ATF1: variants seen among roughly 807,000 people sequenced by gnomAD.
The protein encoded by ATF1 is cyclic AMP-dependent transcription factor ATF-1.
Under a neutral mutation model 34.7 loss-of-function variants are expected in ATF1, and 16 were observed. That is an observed-to-expected ratio of 0.46 (90% CI 0.31 to 0.70). The LOEUF (loss-of-function observed/expected upper bound fraction) is 0.70. Among genes scored for constraint, ATF1 ranks in the 30% least tolerant of loss-of-function variants. The probability of loss-of-function intolerance (pLI) is 0.05; values close to 1 mark genes in which losing one functional copy is unlikely to be tolerated. For missense variants in ATF1, 255 were observed against 321.6 expected (o/e 0.79, Z 1.58); for synonymous variants, 105 against 113.1 (o/e 0.93, Z 0.46).
chr12:50,795,783 C>T (rs1454305622), intron 2 of ATF1, 126 bp from the exon 3 acceptor site: 1 of 740,732 alleles, frequency 1.4e-6, no homozygotes, highest in Non-Finnish European at 2.2e-6. Context: ...TTCTTTTAGA[C>T]TTTAGATTTA....
At position 50,819,686 on chromosome 12, in the gene ATF1, G is replaced by A. The variant is rs1390861730; in HGVS notation, c.723G>A (p.Leu241=). ...AGAAGAAAGAATATGTGAAATGCCT[G>A]GAAAACCGAGTTGCAGTCCTGGAAA... ...RRKKKEYVKC[L]ENRVAVLENQ... is the part of the protein sequence containing the mutation. The change falls in exon 7 of 7, where the codon CTG becomes CTA. Residue 241 remains leucine, a synonymous_variant. Coordinates refer to ENST00000262053, the MANE Select transcript of ATF1 (RefSeq NM_005171.5). The A allele has an allele frequency of 6.2e-7, 1 of 1,611,892 alleles. No individual in the cohort carries two copies. Among genetic ancestry groups the A allele is most frequent in the Non-Finnish European group, 8.5e-7 (1 of 1,179,070 alleles).
chr12:50,820,059 C>A lies in ATF1; in HGVS notation c.*280C>A. ...AAATTTTCTAAATAACCAATAGTTG[C>A]CAATCTAAAATGGCAGAGAAGATGA... On this transcript the variant is annotated 3_prime_UTR_variant, in exon 7 of 7. Transcript: ENST00000262053. 4 of 273,284 alleles carry A rather than the reference C, an allele frequency of 1.5e-5. No individual in the cohort carries two copies. Among genetic ancestry groups the A allele is most frequent in the Admixed American group, 5.0e-5 (1 of 20,004 alleles). The allele number at this position is 273,284 out of a possible 1,614,324, so 16.9% of individuals were successfully genotyped here. A position where few individuals can be genotyped will look rare whatever the true frequency, so the allele number is the denominator to read the frequency against.
intron 2 of ATF1, among the ~76,000 whole-genome samples, chr12:50,786,587 G>GA (rs928287460): frequency 3.3e-5 from 5 of 151,646 alleles, no homozygotes; most frequent in African/African-American, 1.2e-4. Context: ...TTTTCCTTTG[G>GA]AAAAAAAGGC....
At chr12:50,790,196 T>A (rs959129242) in intron 2 of ATF1, among the ~76,000 whole-genome samples, 2 of 108,596 alleles carry the variant, frequency 1.8e-5, no homozygotes, top group African/African-American at 6.8e-5. Flanking sequence ...TTGTGGGTTC[T>A]ATTTTTTTTT....
Position 50,809,544 on chromosome 12 carries a change from A to G in ATF1, c.283A>G (p.Met95Val), listed in dbSNP as rs762001134. ...TGGAGTTTCTGCTGCTGTCACTTCT[A>G]TGTCTGTTCCAACTCCCATCTATCA... is the stretch of plus-strand genomic sequence containing the variant. ...NSGVSAAVTS[M>V]SVPTPIYQTS... The change falls in exon 4 of 7, where the codon ATG becomes GTG. Residue 95 changes from methionine (M) to valine (V), a missense_variant. Physicochemically the swap from Met to Val is conservative, Grantham distance 21. Around this residue, in one of 2 missense-constraint regions of ATF1, gnomAD observed 221 missense variants for 250.7 expected, o/e 0.88. Transcript: ENST00000262053. 4 of 1,613,766 alleles carry G rather than the reference A, an allele frequency of 2.5e-6. No homozygotes were observed. The African/African-American group carries it at 4.0e-5, about 16-fold the overall frequency.
Position 50,809,595 on chromosome 12 carries a change from T to C in ATF1, c.328+6T>C, listed in dbSNP as rs368257097. The C allele has an allele frequency of 6.6e-4, 1,056 of 1,600,760 alleles. 20 individuals carry two copies. The South Asian group carries it at 0.011, about 17-fold the overall frequency. ...GACTAGCAGCGGACAGTACAGTATG[T>C]ATAGGAATCAGTTTCCACATTATAA... On this transcript the variant is annotated splice_donor_region_variant and intron_variant, in intron 4 of 6. Transcript: ENST00000262053.
intron 3 of ATF1, among the ~76,000 whole-genome samples, chr12:50,797,411 A>G (rs1237488831): frequency 6.6e-6 from 1 of 152,254 alleles, no homozygotes; most frequent in Non-Finnish European, 1.5e-5. Flanking sequence ...AAGGACCAGT[A>G]AGCTGACAAC....
Position 50,780,123 on chromosome 12 carries a change from T to G in ATF1, c.-6-17T>G. On this transcript the variant is annotated splice_polypyrimidine_tract_variant and intron_variant, in intron 1 of 6. Coordinates refer to ENST00000262053, the MANE Select transcript of ATF1 (RefSeq NM_005171.5). ...TGTATCATATTTAATTTTAACGGAC[T>G]TTTTTCCCCCTTATAGTTGATTATG... 2 of 1,562,858 alleles carry G rather than the reference T, an allele frequency of 1.3e-6. No individual in the cohort carries two copies. The highest frequency in any genetic ancestry group is 1.1e-5 in the South Asian group (1 of 88,962).
chr12:50,811,753 C>T (rs143823332), intron 4 of ATF1, among the ~76,000 whole-genome samples: 4 of 151,934 alleles, frequency 2.6e-5, no homozygotes, highest in Middle Eastern at 3.4e-3. Context: ...ATCGTACCAC[C>T]GCACTCCAGC....
Position 50,814,064 on chromosome 12 carries a change from T to C in ATF1, c.383T>C (p.Val128Ala). ...TTGGCAAGTCCAGGCACAGATGGAG[T>C]ACAGGGACTTCAGACATTAACCATG... Reference protein sequence around the residue: ...LQLASPGTDGVQGLQTLTMTN... With the variant: ...LQLASPGTDGAQGLQTLTMTN... The change falls in exon 5 of 7, where the codon GTA (valine) becomes GCA (alanine). Residue 128 changes from valine (V) to alanine (A), a missense_variant. Physicochemically the swap from Val to Ala is moderately conservative, Grantham distance 64. This residue lies in a region of ATF1 where 221 missense variants were observed against 250.7 expected (regional missense o/e 0.88). Transcript: ENST00000262053. 1 of 1,614,092 alleles carries C rather than the reference T, an allele frequency of 6.2e-7. No homozygotes were observed. Among genetic ancestry groups the C allele is most frequent in the Non-Finnish European group, 8.5e-7 (1 of 1,180,018 alleles).
At position 50,796,026 on chromosome 12, in the gene ATF1, A is replaced by G. The variant is rs772908200; in HGVS notation, c.194+17A>G. 6.4e-7 allele frequency: 1 copy of G among 1,571,362 alleles called. No homozygotes were observed. On this transcript the variant is annotated intron_variant, in intron 3 of 6. Transcript: ENST00000262053. ...ATCTTACAGGTGAGTACTCTCTTGT[A>G]TGAAGCCCTGCATGTTATGATAGTA...
At chr12:50,795,107 G>A (rs377312075) in intron 2 of ATF1, among the ~76,000 whole-genome samples, 1 of 152,088 alleles carries the variant, frequency 6.6e-6, no homozygotes, top group African/African-American at 2.4e-5. Context: ...TTTTAAAATG[G>A]CATATATTTA....
chr12:50,814,207 T>C lies in ATF1; in HGVS notation c.511+15T>C, dbSNP rs1253584022. ...GGTCGTACAAAGTAAGTATGCTTTC[T>C]GTCTACAGAAAGTCTCCTAACACTG... On this transcript the variant is annotated intron_variant, in intron 5 of 6. Coordinates refer to ENST00000262053, the MANE Select transcript of ATF1 (RefSeq NM_005171.5). 6.2e-7 allele frequency: 1 copy of C among 1,613,436 alleles called. No homozygotes were observed. Among genetic ancestry groups the C allele is most frequent in the African/African-American group, 1.3e-5 (1 of 74,936 alleles).
chr12:50,782,729 G>A (rs562362783), intron 2 of ATF1, among the ~76,000 whole-genome samples: 74 of 128,848 alleles, frequency 5.7e-4, no homozygotes, highest in Admixed American at 2.1e-3. Context: ...TTGCTCTGTC[G>A]CCCAGACTGG....
chr12:50,786,594 A>C (rs1941190112), intron 2 of ATF1, among the ~76,000 whole-genome samples: 1 of 152,134 alleles, frequency 6.6e-6, no homozygotes, highest in African/African-American at 2.4e-5. Flanking sequence ...TTGGAAAAAA[A>C]GGCTTTAAGC....
At chr12:50,814,991 G>A (rs1034019885) in intron 6 of ATF1, among the ~76,000 whole-genome samples, 15 of 151,822 alleles carry the variant, frequency 9.9e-5, no homozygotes, top group African/African-American at 2.7e-4. Flanking sequence ...GCGTGGTGGC[G>A]GGCGCCTGTA....
intron 3 of ATF1, chr12:50,806,367 G>T: frequency 3.9e-6 from 2 of 507,114 alleles, no homozygotes; most frequent in Middle Eastern, 5.9e-4. Context: ...TGGGCTTGTA[G>T]ACACAAAATG....
intron 1 of ATF1, among the ~76,000 whole-genome samples, chr12:50,779,762 T>C (rs1941013912): frequency 6.6e-6 from 1 of 152,142 alleles, no homozygotes; most frequent in Admixed American, 6.5e-5. Context: ...TAGTTTTATT[T>C]ATTTGTTCAA....
intron 6 of ATF1, among the ~76,000 whole-genome samples, chr12:50,817,158 G>A (rs1941860596): frequency 6.6e-6 from 1 of 152,146 alleles, no homozygotes; most frequent in Non-Finnish European, 1.5e-5. Context: ...TTTAGTCTGT[G>A]TGACTGAGAG....
Sources: allele counts gnomAD v4.1 joint callset (sites outside exome capture counted in the v4.1 genomes callset), GRCh38; gene constraint gnomAD v4.1.1; regional missense constraint gnomAD v4.1.1; transcripts MANE v1.5; gene names NCBI Gene and HGNC (gene_info 2026-07-23, HGNC 2026-07-21).